SLC4A8: variants seen among roughly 807,000 people sequenced by gnomAD.
The protein encoded by SLC4A8 is solute carrier family 4 member 8, also known as electroneutral sodium bicarbonate exchanger 1.
Under a neutral mutation model 125.0 loss-of-function variants are expected in SLC4A8, and 40 were observed. That is an observed-to-expected ratio of 0.32 (90% CI 0.25 to 0.42). SLC4A8 has a LOEUF of 0.42. Ranked by LOEUF, SLC4A8 falls within the 10% of genes least tolerant of loss-of-function variation. SLC4A8 has a pLI of 1.00. For synonymous variants in SLC4A8, 456 were observed against 476.0 expected (o/e 0.96, Z 0.55); for missense variants, 863 against 1,355.1 (o/e 0.64, Z 5.70).
intron 10 of SLC4A8, among the ~76,000 whole-genome samples, chr12:51,463,246 T>G (rs1950398396): frequency 6.6e-6 from 1 of 152,184 alleles, no homozygotes; most frequent in Non-Finnish European, 1.5e-5. Context: ...AAATGAGGAA[T>G]AAAACTGTCT....
intron 22 of SLC4A8, among the ~76,000 whole-genome samples, chr12:51,500,441 T>C (rs1937805575): frequency 1.3e-5 from 2 of 152,168 alleles, no homozygotes; most frequent in African/African-American, 4.8e-5. Context: ...TGTGAGTTTG[T>C]ATTTATATAT....
chr12:51,497,877 A>G (rs1951506871), intron 22 of SLC4A8: 1 of 119,510 alleles, frequency 8.4e-6, no homozygotes, highest in Admixed American at 8.8e-5. Flanking sequence ...AAAAAAAAAG[A>G]AAAGAAAAGA....
At chr12:51,487,895 C>T (rs1592264220) in intron 17 of SLC4A8, among the ~76,000 whole-genome samples, 2 of 152,348 alleles carry the variant, frequency 1.3e-5, no homozygotes, top group Non-Finnish European at 2.9e-5. Flanking sequence ...TGTAGACACA[C>T]ATTATGTGGC....
In SLC4A8 at chr12:51,458,459, G is replaced by A. The variant is rs1178141567; in HGVS notation, c.764-100G>A. 8 of 786,622 alleles carry A rather than the reference G, an allele frequency of 1.0e-5. No homozygotes were observed. The East Asian group carries it at 1.8e-4, about 17-fold the overall frequency. 48.7% of individuals were successfully genotyped at this position (786,622 alleles called of 1,614,324 possible). On this transcript the variant is annotated intron_variant, in intron 6 of 24. Transcript: ENST00000453097. Reference sequence around the variant, plus strand: ...GTCATCTTAACCTCTTTTCTAGATAGGCTTTGCAGGAGAAGGCAGAACCAA... The same window carrying A: ...GTCATCTTAACCTCTTTTCTAGATAAGCTTTGCAGGAGAAGGCAGAACCAA...
At chr12:51,425,541 C>A in intron 1 of SLC4A8, 1 of 543,664 alleles carries the variant, frequency 1.8e-6, no homozygotes, top group Non-Finnish European at 2.3e-6. Flanking sequence ...CGGTTTGTGA[C>A]TCCCTCTGCC....
chr12:51,478,468 C>T (rs1156752405), intron 16 of SLC4A8, among the ~76,000 whole-genome samples: 13 of 151,902 alleles, frequency 8.6e-5, no homozygotes, highest in Non-Finnish European at 1.5e-5. Flanking sequence ...CGCAAAGAAA[C>T]TTTATATGAT....
In SLC4A8 at chr12:51,462,292, G is replaced by T. The variant is rs750418890; in HGVS notation, c.1102-18G>T. 13 of 1,612,466 alleles carry T rather than the reference G, an allele frequency of 8.1e-6. No individual in the cohort carries two copies. Among genetic ancestry groups the T allele is most frequent in the Non-Finnish European group, 1.0e-5 (12 of 1,178,788 alleles). ...AAAGTTACTTTTAACTTTCCTGAGG[G>T]TTTTCTCTTCTCTGTAGATTTTTCA... On this transcript the variant is annotated intron_variant, in intron 9 of 24. Coordinates refer to ENST00000453097, the MANE Select transcript of SLC4A8 (RefSeq NM_001039960.3).
intron 1 of SLC4A8, among the ~76,000 whole-genome samples, chr12:51,393,196 C>G (rs1014454615): frequency 6.6e-5 from 10 of 151,940 alleles, no homozygotes; most frequent in Non-Finnish European, 1.5e-4. Context: ...CTCACTGCAG[C>G]CTTGACCTCC....
chr12:51,489,655 T>G (rs375561765), intron 18 of SLC4A8, 45 bp from the exon 19 acceptor site: 16 of 1,610,440 alleles, frequency 9.9e-6, no homozygotes, highest in East Asian at 4.5e-5. Flanking sequence ...TATGCCCTAC[T>G]ACAGCTAGCC....
intron 5 of SLC4A8, among the ~76,000 whole-genome samples, chr12:51,456,738 CT>C (rs1375979219): frequency 6.6e-6 from 1 of 152,220 alleles, no homozygotes; most frequent in Non-Finnish European, 1.5e-5. Context: ...TTTACTGCCA[CT>C]TAACACTAGG....
At chr12:51,506,226 C>A (rs978732281) in intron 24 of SLC4A8, among the ~76,000 whole-genome samples, 1 of 152,156 alleles carries the variant, frequency 6.6e-6, no homozygotes, top group Non-Finnish European at 1.5e-5. Flanking sequence ...CTTTCTAGTT[C>A]TCATTTCAGA....
chr12:51,417,234 G>A (rs963571116), intron 1 of SLC4A8, among the ~76,000 whole-genome samples: 4 of 152,158 alleles, frequency 2.6e-5, no homozygotes, highest in Non-Finnish European at 5.9e-5. Flanking sequence ...CCAGTGCAGT[G>A]GCACGATCAC....
chr12:51,399,466 ATT>A (rs10710903), intron 1 of SLC4A8, among the ~76,000 whole-genome samples: 3 of 151,158 alleles, frequency 2.0e-5, no homozygotes, highest in Non-Finnish European at 4.4e-5. Flanking sequence ...CAGCTTCTTA[ATT>A]TTTTTTTTAT....
intron 7 of SLC4A8, among the ~76,000 whole-genome samples, chr12:51,459,300 C>T (rs913593750): frequency 3.9e-5 from 6 of 152,156 alleles, no homozygotes; most frequent in African/African-American, 1.2e-4. Context: ...AAGAATGTGA[C>T]CCAGAGCTTC....
At chr12:51,452,397 C>T (rs1201867054) in intron 4 of SLC4A8, 138 bp downstream of exon 4, 6 of 963,246 alleles carry the variant, frequency 6.2e-6, no homozygotes, top group Non-Finnish European at 9.6e-6. Flanking sequence ...TCCAGTGTCT[C>T]CTGTGGAGAA....
chr12:51,447,802 C>T (rs1027696130), intron 2 of SLC4A8, among the ~76,000 whole-genome samples: 21 of 151,158 alleles, frequency 1.4e-4, no homozygotes, highest in African/African-American at 4.1e-4. Context: ...CTGCAACCTC[C>T]GCCGCCCAGG....
rs907157918 is a variant in SLC4A8, at chr12:51,511,219, GC to G, written c.*3782del. The G allele has an allele frequency of 4.3e-4, 66 of 152,356 alleles. No homozygotes were observed. Among genetic ancestry groups the G allele is most frequent in the African/African-American group, 1.4e-3 (57 of 41,558 alleles). 9.4% of individuals were successfully genotyped at this position (152,356 alleles called of 1,614,324 possible). A position where few individuals can be genotyped will look rare whatever the true frequency, so the allele number is the denominator to read the frequency against. ...GCTTGTTTCTGAGGCATGGTACAGT[GC>G]TGCGGAGGCAAGGCAAGGCTGTCAT... On this transcript the variant is annotated 3_prime_UTR_variant, in exon 25 of 25. Transcript: ENST00000453097.
At chr12:51,503,226 ATTT>A (rs199766660) in intron 22 of SLC4A8, among the ~76,000 whole-genome samples, 17 of 115,628 alleles carry the variant, frequency 1.5e-4, no homozygotes, top group African/African-American at 2.5e-4. Flanking sequence ...TTTATTTTTT[ATTT>A]TTATTTTTTT....
chr12:51,496,967 T>C lies in SLC4A8; in HGVS notation c.2944-20T>C. The C allele has an allele frequency of 6.2e-7, 1 of 1,610,358 alleles. No homozygotes were observed. Among genetic ancestry groups the C allele is most frequent in the East Asian group, 2.2e-5 (1 of 44,846 alleles). On this transcript the variant is annotated intron_variant, in intron 21 of 24. Coordinates refer to ENST00000453097, the MANE Select transcript of SLC4A8 (RefSeq NM_001039960.3). ...GAAATTAGTCCCTTTAATTCACTTT[T>C]TTTTTTAATTTTTCTTCAGGTTTTG...
Sources: allele counts gnomAD v4.1 joint callset (sites outside exome capture counted in the v4.1 genomes callset), GRCh38; gene constraint gnomAD v4.1.1; transcripts MANE v1.5; gene names NCBI Gene and HGNC (gene_info 2026-07-23, HGNC 2026-07-21).